Variants in STPG4 observed in about 807,000 individuals in gnomAD.
STPG4 encodes sperm-tail PG-rich repeat containing 4.
Under a neutral mutation model 31.5 loss-of-function variants are expected in STPG4, and 41 were observed. The ratio of observed to expected loss-of-function variants is 1.30; its 90% CI spans 1.01 to 1.69. STPG4 has a LOEUF of 1.69. STPG4 is among the 40% of genes most tolerant of loss of function. The pLI is 0.00. For missense variants in STPG4, 375 were observed against 293.4 expected (o/e 1.28, Z -2.03); for synonymous variants, 141 against 103.0 (o/e 1.37, Z -2.24).
intron 3 of STPG4, among the ~76,000 whole-genome samples, chr2:47,143,972 G>A (rs1404284649): frequency 6.6e-6 from 1 of 152,146 alleles, no homozygotes; most frequent in Non-Finnish European, 1.5e-5. Flanking sequence ...GTTCAGTAAT[G>A]ATTCACTGGC....
intron 3 of STPG4, among the ~76,000 whole-genome samples, chr2:47,150,766 T>C (rs1226199709): frequency 6.6e-6 from 1 of 151,920 alleles, no homozygotes; most frequent in Non-Finnish European, 1.5e-5. Context: ...ACCACAGGCA[T>C]GCACTACTAC....
At chr2:47,090,022 C>A (rs1685537409) in intron 6 of STPG4, among the ~76,000 whole-genome samples, 1 of 152,190 alleles carries the variant, frequency 6.6e-6, no homozygotes, top group South Asian at 2.1e-4. Context: ...CAACTGGCCC[C>A]ATAATTCAGC....
rs1456772064 is a variant in STPG4, at chr2:47,131,513, T to C, written c.400-1253A>G. On this transcript the variant is annotated intron_variant, in intron 3 of 6. Coordinates refer to ENST00000445927, the MANE Select transcript of STPG4 (RefSeq NM_001163561.2). ...CTGGGGTAAAGCGCAGCACTAGTACTAGGGAATACAGTGGTTAAGAGAGCT... is the reference window on the plus strand; with the variant it reads ...CTGGGGTAAAGCGCAGCACTAGTACCAGGGAATACAGTGGTTAAGAGAGCT... Among the ~76,000 whole-genome samples the C allele has an allele frequency of 2.0e-5, 3 of 152,176 alleles. No homozygotes were observed. The East Asian group carries it at 5.8e-4, about 29-fold the overall frequency.
At chr2:47,095,177 C>G (rs1033904194) in intron 5 of STPG4, among the ~76,000 whole-genome samples, 2 of 152,132 alleles carry the variant, frequency 1.3e-5, no homozygotes, top group African/African-American at 4.8e-5. Flanking sequence ...TTTTTAAGGT[C>G]TTATGAATTT....
chr2:47,121,820 G>A (rs939472459), intron 5 of STPG4, among the ~76,000 whole-genome samples: 1 of 149,746 alleles, frequency 6.7e-6, no homozygotes, highest in Non-Finnish European at 1.5e-5. Flanking sequence ...TGTAATCTTT[G>A]CTTCTATATT....
intron 5 of STPG4, among the ~76,000 whole-genome samples, chr2:47,113,778 T>C (rs1046910608): frequency 1.3e-5 from 2 of 152,152 alleles, no homozygotes; most frequent in Non-Finnish European, 2.9e-5. Context: ...CTCATGCCTG[T>C]AATCCCAGCA....
At chr2:47,097,808 T>C (rs994776630) in intron 5 of STPG4, among the ~76,000 whole-genome samples, 1 of 152,134 alleles carries the variant, frequency 6.6e-6, no homozygotes, top group African/African-American at 2.4e-5. Flanking sequence ...GATGTCTGCA[T>C]AGGCTCCTGT....
rs35157810 is a variant in STPG4 at position 47,126,802 on chromosome 2, GT to G, written c.519+3138del. Among the ~76,000 whole-genome samples the G allele has an allele frequency of 4.2e-3, 647 of 152,244 alleles. 16 individuals carry two copies. The East Asian group carries it at 0.055, about 13-fold the overall frequency. ...TACTGAATATACTATTCCAGGATAA[GT>G]TTTTTTCTTTCGGCACTTTAAATAT... On this transcript the variant is annotated intron_variant, in intron 5 of 6. Transcript: ENST00000445927.
intron 2 of STPG4, 81 bp downstream of exon 2, chr2:47,152,876 T>C (rs1686964751): frequency 1.0e-6 from 1 of 984,244 alleles, no homozygotes; most frequent in African/African-American, 1.7e-5. Flanking sequence ...CAATTTAGTG[T>C]TAGTCTTAAA....
chr2:47,102,130 CGAT>C (rs1685814138), intron 5 of STPG4, among the ~76,000 whole-genome samples: 1 of 151,566 alleles, frequency 6.6e-6, no homozygotes, highest in African/African-American at 2.4e-5. Context: ...CCAACTATTC[CGAT>C]CAGCAGGGTC....
chr2:47,108,259 A>G (rs1685965125), intron 5 of STPG4: 1 of 151,668 alleles, frequency 6.6e-6, no homozygotes, highest in African/African-American at 2.4e-5. Flanking sequence ...AGGCTCCCCG[A>G]GCCAGCAGTG....
Position 47,129,935 on chromosome 2 carries a change from A to G in STPG4, c.519+6T>C. The G allele has an allele frequency of 6.2e-7, 1 of 1,612,238 alleles. No homozygotes were observed. The highest frequency in any genetic ancestry group is 8.5e-7 in the Non-Finnish European group (1 of 1,179,010). ...ATCATGAGTTAACTGTCTACATTATACTTACGGGAATAAAATAGGTTGTTG... is the reference window on the plus strand; with the variant it reads ...ATCATGAGTTAACTGTCTACATTATGCTTACGGGAATAAAATAGGTTGTTG... On this transcript the variant is annotated splice_donor_region_variant and intron_variant, in intron 5 of 6. Transcript: ENST00000445927.
In STPG4 at chr2:47,122,306, G is replaced by T. The variant is rs568915002; in HGVS notation, c.519+7635C>A. Among the ~76,000 whole-genome samples the T allele has an allele frequency of 2.2e-4, 33 of 152,064 alleles. No homozygotes were observed. In the South Asian group the frequency reaches 6.6e-3, roughly 31 times the overall value. On this transcript the variant is annotated intron_variant, in intron 5 of 6. Transcript: ENST00000445927. ...CATTTGCCTGTTAACTTTGTTTGCA[G>T]TTTGTTTTCTGATATACAAAGCATT...
At chr2:47,146,038 C>A (rs1209945484) in intron 3 of STPG4, among the ~76,000 whole-genome samples, 1 of 152,006 alleles carries the variant, frequency 6.6e-6, no homozygotes, top group Non-Finnish European at 1.5e-5. Context: ...AGTGAAAATA[C>A]CTTGAGGTAG....
intron 5 of STPG4, among the ~76,000 whole-genome samples, chr2:47,105,955 T>A: frequency 6.6e-6 from 1 of 151,750 alleles, no homozygotes; most frequent in East Asian, 1.9e-4. Flanking sequence ...GGTGGGAATC[T>A]TACACTGACA....
At chr2:47,104,847 A>G (rs1011745589) in intron 5 of STPG4, among the ~76,000 whole-genome samples, 10 of 152,000 alleles carry the variant, frequency 6.6e-5, no homozygotes, top group Non-Finnish European at 1.2e-4. Flanking sequence ...AGCAGGTCAA[A>G]TATCTAGGCC....
At chr2:47,106,254 C>T (rs1685907956) in intron 5 of STPG4, among the ~76,000 whole-genome samples, 2 of 151,956 alleles carry the variant, frequency 1.3e-5, no homozygotes, top group Admixed American at 1.3e-4. Context: ...TGACCTATAT[C>T]TGCCTCCCCA....
At chr2:47,092,298 G>A (rs1017483331) in intron 5 of STPG4, among the ~76,000 whole-genome samples, 1 of 149,358 alleles carries the variant, frequency 6.7e-6, no homozygotes. Flanking sequence ...GGGAGGCCAA[G>A]GCTGGTGGAT....
At chr2:47,117,558 G>A (rs1686177670) in intron 5 of STPG4, among the ~76,000 whole-genome samples, 1 of 152,202 alleles carries the variant, frequency 6.6e-6, no homozygotes, top group Non-Finnish European at 1.5e-5. Flanking sequence ...GGGGCGCCAT[G>A]TTTCAAGTTC....
Sources: gnomAD v4.1 joint callset for allele counts (sites outside exome capture counted in the v4.1 genomes callset) on GRCh38, gnomAD v4.1.1 for gene constraint, MANE v1.5 for transcripts, NCBI Gene and HGNC (gene_info 2026-07-23, HGNC 2026-07-21) for gene names.